Variants in ZDHHC14 observed in about 807,000 individuals in gnomAD.
ZDHHC14 encodes the protein palmitoyltransferase ZDHHC14.
In ZDHHC14, 16 loss-of-function variants were observed where a neutral mutation model predicts 47.7. That is an observed-to-expected ratio of 0.34 (90% confidence interval 0.23 to 0.51). The LOEUF (loss-of-function observed/expected upper bound fraction) is 0.51, where lower values mean the gene tolerates loss of function less well. ZDHHC14 is among the 20% of genes least tolerant of loss of function. The pLI, the probability that ZDHHC14 is intolerant of heterozygous loss-of-function variation, is 0.97. For synonymous variants in ZDHHC14, 293 were observed against 278.9 expected (o/e 1.05, Z -0.50); for missense variants, 515 against 662.5 (o/e 0.78, Z 2.44).
At chr6:157,404,037 C>T (rs1187475498) in intron 1 of ZDHHC14, among the ~76,000 whole-genome samples, 3 of 152,266 alleles carry the variant, frequency 2.0e-5, no homozygotes, top group African/African-American at 7.2e-5. Flanking sequence ...ATAGTTGGTA[C>T]TGTTATTAGT....
intron 3 of ZDHHC14, among the ~76,000 whole-genome samples, chr6:157,610,380 C>T (rs1784708222): frequency 2.6e-5 from 4 of 152,112 alleles, no homozygotes; most frequent in South Asian, 2.1e-4. Context: ...TGCAGTGAGC[C>T]GAGATCAGGC....
rs191897941 is a variant in ZDHHC14 at position 157,496,194 on chromosome 6, C to T, written c.246-46391C>T. ...AGTAGCCAGCAACCTCTGTGACTGC[C>T]GGCTGTATCTCCCCAGGGTGGTTCT... On this transcript the variant is annotated intron_variant, in intron 1 of 8. Coordinates refer to ENST00000359775, the MANE Select transcript of ZDHHC14 (RefSeq NM_024630.3). Among the ~76,000 whole-genome samples the T allele has an allele frequency of 2.1e-3, 316 of 152,198 alleles. 1 individual carries two copies. The highest frequency in any genetic ancestry group is 1.5e-3 in the Non-Finnish European group (103 of 68,010).
At chr6:157,485,832 G>C (rs192112254) in intron 1 of ZDHHC14, among the ~76,000 whole-genome samples, 3 of 152,224 alleles carry the variant, frequency 2.0e-5, no homozygotes, top group Admixed American at 2.0e-4. Context: ...CCAACATGGT[G>C]AAACTCCGTC....
At chr6:157,658,531 G>T (rs565254349) in intron 8 of ZDHHC14, among the ~76,000 whole-genome samples, 1 of 147,074 alleles carries the variant, frequency 6.8e-6, no homozygotes, top group African/African-American at 2.5e-5. Context: ...GACTAAGCCC[G>T]CACTTGACAC....
chr6:157,457,280 G>A (rs1011251540), intron 1 of ZDHHC14, among the ~76,000 whole-genome samples: 1 of 151,986 alleles, frequency 6.6e-6, no homozygotes, highest in Non-Finnish European at 1.5e-5. Context: ...GGCTTCCAGC[G>A]TGGGCTCTGG....
At chr6:157,422,633 A>G (rs890358480) in intron 1 of ZDHHC14, among the ~76,000 whole-genome samples, 1 of 152,164 alleles carries the variant, frequency 6.6e-6, no homozygotes, top group African/African-American at 2.4e-5. Flanking sequence ...CTCTGTTTTC[A>G]TTTAATGATT....
chr6:157,645,902 A>G, intron 6 of ZDHHC14, 63 bp downstream of exon 6: 5 of 1,419,298 alleles, frequency 3.5e-6, no homozygotes, highest in East Asian at 2.3e-5. Flanking sequence ...GAGGAGAAAA[A>G]GGAAAGAAAA....
intron 3 of ZDHHC14, among the ~76,000 whole-genome samples, chr6:157,603,091 G>A (rs1784397592): frequency 1.3e-5 from 2 of 152,196 alleles, no homozygotes; most frequent in Admixed American, 6.5e-5. Context: ...TGCAGGCTGG[G>A]ACGTCCACAG....
intron 1 of ZDHHC14, among the ~76,000 whole-genome samples, chr6:157,421,492 CAAAAAAAAAAAAAA>C (rs147380621): frequency 1.1e-4 from 6 of 56,710 alleles, no homozygotes; most frequent in Non-Finnish European, 1.8e-4. Flanking sequence ...GACTCCGTCT[CAAAAAAAAAAAAAA>C]AAAAAAAAAA....
At chr6:157,599,332 A>G (rs549043284) in intron 3 of ZDHHC14, among the ~76,000 whole-genome samples, 5 of 152,342 alleles carry the variant, frequency 3.3e-5, no homozygotes, top group South Asian at 4.1e-4. Context: ...CAAGTACCAC[A>G]GGTAGGACGT....
chr6:157,661,648 C>A (rs1002986268), intron 8 of ZDHHC14, among the ~76,000 whole-genome samples: 1 of 152,170 alleles, frequency 6.6e-6, no homozygotes, highest in Non-Finnish European at 1.5e-5. Flanking sequence ...GGCCCTGACA[C>A]TTTGGGGCTG....
chr6:157,393,499 A>C (rs1372751774), intron 1 of ZDHHC14, among the ~76,000 whole-genome samples: 1 of 152,230 alleles, frequency 6.6e-6, no homozygotes, highest in Admixed American at 6.5e-5. Flanking sequence ...GCTTATTTTA[A>C]CACTAAATAC....
intron 8 of ZDHHC14, among the ~76,000 whole-genome samples, chr6:157,662,275 G>C (rs181667089): frequency 6.6e-6 from 1 of 152,062 alleles, no homozygotes; most frequent in African/African-American, 2.4e-5. Context: ...TTGACCTCCC[G>C]GGTTCAAGCG....
chr6:157,402,667 G>A (rs1777668391), intron 1 of ZDHHC14, among the ~76,000 whole-genome samples: 1 of 152,116 alleles, frequency 6.6e-6, no homozygotes, highest in African/African-American at 2.4e-5. Context: ...AAAGTGATGG[G>A]CAGGCCACTA....
At chr6:157,652,502 A>C (rs1160873507) in intron 7 of ZDHHC14, among the ~76,000 whole-genome samples, 1 of 151,990 alleles carries the variant, frequency 6.6e-6, no homozygotes, top group Non-Finnish European at 1.5e-5. Context: ...TGCTCCTTAC[A>C]CTTCTGCCCT....
chr6:157,429,263 C>G (rs1252348843), intron 1 of ZDHHC14, among the ~76,000 whole-genome samples: 1 of 152,054 alleles, frequency 6.6e-6, no homozygotes, highest in East Asian at 1.9e-4. Context: ...GGTTGCTGGT[C>G]AGAATGGAGA....
chr6:157,589,576 C>A (rs757403103), intron 2 of ZDHHC14, among the ~76,000 whole-genome samples: 6 of 152,154 alleles, frequency 3.9e-5, no homozygotes, highest in Non-Finnish European at 8.8e-5. Flanking sequence ...TGGCACTTCT[C>A]CTTCCTGCTG....
chr6:157,507,185 T>C (rs1780347950), intron 1 of ZDHHC14, among the ~76,000 whole-genome samples: 1 of 152,164 alleles, frequency 6.6e-6, no homozygotes. Context: ...TAAATCCATA[T>C]CCAGATTTTT....
chr6:157,648,283 A>G (rs917203579), intron 7 of ZDHHC14, among the ~76,000 whole-genome samples: 1 of 152,200 alleles, frequency 6.6e-6, no homozygotes, highest in African/African-American at 2.4e-5. Context: ...TGGTCTCCAA[A>G]TGTGTAAAAC....
Sources: gnomAD v4.1 joint callset for allele counts (sites outside exome capture counted in the v4.1 genomes callset) on GRCh38, gnomAD v4.1.1 for gene constraint, MANE v1.5 for transcripts, NCBI Gene and HGNC (gene_info 2026-07-23, HGNC 2026-07-21) for gene names.